The following PLPPR1 variants were observed in gnomAD, a reference collection of about 807,000 sequenced individuals.
PLPPR1 encodes phospholipid phosphatase related 1.
A neutral mutation model predicts 33.1 loss-of-function variants in PLPPR1; 10 were observed. The ratio of observed to expected loss-of-function variants is 0.30; its 90% CI spans 0.19 to 0.51. PLPPR1 has a LOEUF of 0.51. Among genes scored for constraint, PLPPR1 ranks in the 20% least tolerant of loss-of-function variants. The pLI, the probability that PLPPR1 is intolerant of heterozygous loss-of-function variation, is 0.97. For synonymous variants in PLPPR1, 151 were observed against 151.0 expected (o/e 1.00, Z 0.00); for missense variants, 304 against 408.1 (o/e 0.74, Z 2.20).
intron 2 of PLPPR1, among the ~76,000 whole-genome samples, chr9:101,267,856 T>C (rs1318072142): frequency 6.6e-6 from 1 of 152,188 alleles, no homozygotes; most frequent in Non-Finnish European, 1.5e-5. Flanking sequence ...ATCTCTGTTA[T>C]AATGTGTCTC....
intron 1 of PLPPR1, among the ~76,000 whole-genome samples, chr9:101,167,027 G>A (rs1328324227): frequency 2.2e-5 from 3 of 138,614 alleles, no homozygotes; most frequent in South Asian, 2.6e-4. Flanking sequence ...TGATTTCTGA[G>A]GGTGCCAGAA....
intron 1 of PLPPR1, among the ~76,000 whole-genome samples, chr9:101,101,225 A>C (rs1185062744): frequency 6.6e-6 from 1 of 152,178 alleles, no homozygotes; most frequent in Non-Finnish European, 1.5e-5. Context: ...TCTCTGAAGA[A>C]ACATGTGGAC....
Position 101,174,681 on chromosome 9 carries a change from C to T in PLPPR1, c.-45-10769C>T, listed in dbSNP as rs182138149. Reference sequence around the variant, plus strand: ...AATGGGTAATTATTTTTATTTGTCCCGAGTTACCTAGGAATGATTATATTT... The same window carrying T: ...AATGGGTAATTATTTTTATTTGTCCTGAGTTACCTAGGAATGATTATATTT... On this transcript the variant is annotated intron_variant, in intron 1 of 7. Coordinates refer to ENST00000374874, the MANE Select transcript of PLPPR1 (RefSeq NM_207299.2). Among the ~76,000 whole-genome samples the T allele has an allele frequency of 1.1e-4, 17 of 152,168 alleles. No individual in the cohort carries two copies. In the East Asian group the frequency reaches 2.5e-3, roughly 22 times the overall value.
chr9:101,110,075 A>G (rs1045247378), intron 1 of PLPPR1, among the ~76,000 whole-genome samples: 2 of 146,982 alleles, frequency 1.4e-5, no homozygotes, highest in Non-Finnish European at 3.0e-5. Context: ...TATCATCTTC[A>G]AAAGCAATAT....
chr9:101,138,873 T>C (rs1335936360), intron 1 of PLPPR1, among the ~76,000 whole-genome samples: 1 of 152,318 alleles, frequency 6.6e-6, no homozygotes, highest in Non-Finnish European at 1.5e-5. Context: ...TTCATGTTTT[T>C]TCCCCAGGGT....
At chr9:101,242,724 C>G (rs1395768356) in intron 2 of PLPPR1, among the ~76,000 whole-genome samples, 1 of 152,008 alleles carries the variant, frequency 6.6e-6, no homozygotes, top group Non-Finnish European at 1.5e-5. Flanking sequence ...GAAGTGATGC[C>G]ACAATATTCA....
chr9:101,173,902 C>CAAAGA (rs1825982246), intron 1 of PLPPR1, among the ~76,000 whole-genome samples: 1 of 152,122 alleles, frequency 6.6e-6, no homozygotes, highest in Non-Finnish European at 1.5e-5. Context: ...AGTAGAGCCC[C>CAAAGA]TCACAACAAA....
chr9:101,274,889 A>T (rs548605902), intron 3 of PLPPR1, among the ~76,000 whole-genome samples: 1 of 152,348 alleles, frequency 6.6e-6, no homozygotes, highest in Non-Finnish European at 1.5e-5. Flanking sequence ...ATCTGTACCC[A>T]AAAGAAATGG....
At chr9:101,158,907 G>T (rs1281053347) in intron 1 of PLPPR1, among the ~76,000 whole-genome samples, 2 of 152,184 alleles carry the variant, frequency 1.3e-5, no homozygotes, top group African/African-American at 2.4e-5. Flanking sequence ...AAGTTTGGAG[G>T]ACTGGCTTCA....
intron 1 of PLPPR1, among the ~76,000 whole-genome samples, chr9:101,043,140 T>G (rs1830099348): frequency 6.6e-6 from 1 of 152,042 alleles, no homozygotes; most frequent in African/African-American, 2.4e-5. Flanking sequence ...CTCCCACTTA[T>G]GAGTGAGAAC....
intron 2 of PLPPR1, among the ~76,000 whole-genome samples, chr9:101,223,621 A>G (rs1826999721): frequency 6.6e-6 from 1 of 152,116 alleles, no homozygotes; most frequent in Non-Finnish European, 1.5e-5. Context: ...TTCTCATGGT[A>G]GTGAGTGACT....
In PLPPR1 at chr9:101,191,124, C is replaced by G. The variant is rs1826290163; in HGVS notation, c.63+5567C>G. Among the ~76,000 whole-genome samples, 5 of 152,180 alleles carry G rather than the reference C, an allele frequency of 3.3e-5. No homozygotes were observed. In the South Asian group the frequency reaches 1.0e-3, roughly 32 times the overall value. On this transcript the variant is annotated intron_variant, in intron 2 of 7. Coordinates refer to ENST00000374874, the MANE Select transcript of PLPPR1 (RefSeq NM_207299.2). ...AGAATCGCTAAAATTTCAAGGTAGT[C>G]CACAATGATATTTCTGGCTGACAGG...
At chr9:101,245,833 A>G (rs1336791785) in intron 2 of PLPPR1, among the ~76,000 whole-genome samples, 1 of 151,680 alleles carries the variant, frequency 6.6e-6, no homozygotes, top group Non-Finnish European at 1.5e-5. Context: ...AAGTCAGGGA[A>G]CTTCTCCAAG....
chr9:101,221,130 A>C (rs2567314), intron 2 of PLPPR1, among the ~76,000 whole-genome samples: 1 of 152,126 alleles, frequency 6.6e-6, no homozygotes, highest in Non-Finnish European at 1.5e-5. Flanking sequence ...CAGTACAGGC[A>C]GTATTAGGTT....
intron 5 of PLPPR1, among the ~76,000 whole-genome samples, chr9:101,311,369 C>T (rs1053821383): frequency 6.6e-6 from 1 of 152,144 alleles, no homozygotes; most frequent in Admixed American, 6.5e-5. Context: ...TCTTCTGAGC[C>T]GCTATTACAT....
intron 2 of PLPPR1, among the ~76,000 whole-genome samples, chr9:101,268,266 A>G (rs1828034594): frequency 6.6e-6 from 1 of 151,460 alleles, no homozygotes; most frequent in African/African-American, 2.4e-5. Flanking sequence ...TAAAAAAAAT[A>G]AAATCTTTGA....
At chr9:101,156,752 ATGGT>A (rs1396916158) in intron 1 of PLPPR1, among the ~76,000 whole-genome samples, 2 of 152,110 alleles carry the variant, frequency 1.3e-5, no homozygotes, top group African/African-American at 4.8e-5. Flanking sequence ...TAATGAATGA[ATGGT>A]ATGTCAATGG....
chr9:101,254,495 T>C (rs1042814101), intron 2 of PLPPR1, among the ~76,000 whole-genome samples: 6 of 152,148 alleles, frequency 3.9e-5, no homozygotes, highest in Non-Finnish European at 8.8e-5. Context: ...ACTCACCTCC[T>C]GCCCAGTTCC....
chr9:101,317,778 C>T (rs1346465374), intron 7 of PLPPR1, among the ~76,000 whole-genome samples: 3 of 152,102 alleles, frequency 2.0e-5, no homozygotes, highest in African/African-American at 7.2e-5. Context: ...ATATCACATT[C>T]ATGAAATTTG....
Sources: gnomAD v4.1 joint callset for allele counts (sites outside exome capture counted in the v4.1 genomes callset) on GRCh38, gnomAD v4.1.1 for gene constraint, MANE v1.5 for transcripts, NCBI Gene and HGNC (gene_info 2026-07-23, HGNC 2026-07-21) for gene names.